The following BRINP2 variants were observed in gnomAD, a reference collection of about 807,000 sequenced individuals.
The protein encoded by BRINP2 is BMP/retinoic acid-inducible neural-specific protein 2.
A neutral mutation model predicts 69.2 loss-of-function variants in BRINP2; 21 were observed. That is an observed-to-expected ratio of 0.30 (90% CI 0.22 to 0.44). BRINP2 has a LOEUF of 0.44. BRINP2 is among the 20% of genes least tolerant of loss of function. The pLI is 1.00. For synonymous variants in BRINP2, 380 were observed against 394.1 expected (o/e 0.96, Z 0.42); for missense variants, 877 against 986.0 (o/e 0.89, Z 1.48).
intron 1 of BRINP2, among the ~76,000 whole-genome samples, chr1:177,180,630 G>C (rs1447942070): frequency 2.0e-5 from 3 of 152,090 alleles, no homozygotes; most frequent in Non-Finnish European, 4.4e-5. Flanking sequence ...ATATAAAGCA[G>C]ATAAAAGGGG....
At chr1:177,213,548 A>G (rs1649287575) in intron 1 of BRINP2, among the ~76,000 whole-genome samples, 3 of 152,240 alleles carry the variant, frequency 2.0e-5, no homozygotes, top group Admixed American at 2.0e-4. Context: ...GTTACTTTAT[A>G]CTATTTTCTA....
intron 4 of BRINP2, among the ~76,000 whole-genome samples, chr1:177,267,204 A>C (rs1651155988): frequency 6.6e-6 from 1 of 152,216 alleles, no homozygotes; most frequent in African/African-American, 2.4e-5. Flanking sequence ...TCTGGTGAAA[A>C]ATATCACAGC....
chr1:177,269,898 C>T (rs1651249323), intron 4 of BRINP2, among the ~76,000 whole-genome samples: 1 of 152,208 alleles, frequency 6.6e-6, no homozygotes, highest in Non-Finnish European at 1.5e-5. Context: ...TTAGCTCTTT[C>T]TGAAAGCTTA....
At chr1:177,219,913 G>T (rs1485208341) in intron 1 of BRINP2, among the ~76,000 whole-genome samples, 1 of 152,254 alleles carries the variant, frequency 6.6e-6, no homozygotes, top group East Asian at 1.9e-4. Context: ...TTAAGCAACA[G>T]AAGCCAGTCT....
At chr1:177,238,687 G>A (rs1025828923) in intron 2 of BRINP2, among the ~76,000 whole-genome samples, 1 of 152,080 alleles carries the variant, frequency 6.6e-6, no homozygotes. Flanking sequence ...ATTCTCCCAT[G>A]GGAAGAAAAG....
chr1:177,222,703 A>G (rs1649572982), intron 1 of BRINP2, among the ~76,000 whole-genome samples: 1 of 152,092 alleles, frequency 6.6e-6, no homozygotes, highest in Admixed American at 6.5e-5. Context: ...TCTTAAAAAA[A>G]AAAAAAGAAA....
At chr1:177,220,367 TC>T (rs1649489837) in intron 1 of BRINP2, among the ~76,000 whole-genome samples, 1 of 152,116 alleles carries the variant, frequency 6.6e-6, no homozygotes, top group Non-Finnish European at 1.5e-5. Flanking sequence ...CTTGGGTCAT[TC>T]CTTTGGTGAT....
At chr1:177,235,783 C>T (rs1650002748) in intron 2 of BRINP2, among the ~76,000 whole-genome samples, 1 of 152,170 alleles carries the variant, frequency 6.6e-6, no homozygotes, top group Non-Finnish European at 1.5e-5. Flanking sequence ...GCATTACAGC[C>T]ACTGAGGTAG....
chr1:177,171,360 C>A lies in BRINP2; in HGVS notation c.-449C>A, dbSNP rs1192410003. On this transcript the variant is annotated 5_prime_UTR_variant, in exon 1 of 8. Transcript: ENST00000361539. The stretch of plus-strand genomic sequence containing the variant: ...CCTTACCTCTCCCACCCCGCGTGCG[C>A]CCCGGCCCAGTGCCGAAGCCCCACT... 6.5e-6 allele frequency: 1 copy of A among 153,536 alleles called. No individual in the cohort carries two copies. Among genetic ancestry groups the A allele is most frequent in the Non-Finnish European group, 1.5e-5 (1 of 68,564 alleles). 9.5% of individuals were successfully genotyped at this position (153,536 alleles called of 1,614,324 possible). A position where few individuals can be genotyped will look rare whatever the true frequency, so the allele number is the denominator to read the frequency against.
intron 2 of BRINP2, among the ~76,000 whole-genome samples, chr1:177,248,954 A>G (rs1200406410): frequency 2.0e-5 from 3 of 152,084 alleles, no homozygotes; most frequent in African/African-American, 7.2e-5. Context: ...TGGCATGGCT[A>G]TGGTTCAACT....
At chr1:177,272,050 C>T (rs772854168) in intron 4 of BRINP2, among the ~76,000 whole-genome samples, 1 of 152,210 alleles carries the variant, frequency 6.6e-6, no homozygotes, top group Non-Finnish European at 1.5e-5. Context: ...GGGTGCTAGA[C>T]ACATGCACTA....
At chr1:177,183,728 C>T (rs183948380) in intron 1 of BRINP2, among the ~76,000 whole-genome samples, 4 of 152,164 alleles carry the variant, frequency 2.6e-5, no homozygotes, top group Admixed American at 2.0e-4. Context: ...AGGATACTGA[C>T]GTGGTGAACC....
chr1:177,173,386 C>G (rs1253142450), intron 1 of BRINP2, among the ~76,000 whole-genome samples: 1 of 152,232 alleles, frequency 6.6e-6, no homozygotes, highest in Non-Finnish European at 1.5e-5. Context: ...TTCTGGAGGT[C>G]AGCTGGCGCC....
intron 2 of BRINP2, among the ~76,000 whole-genome samples, chr1:177,248,435 TTGTGTGTGTGTG>T (rs138306668): frequency 2.3e-4 from 34 of 147,368 alleles, no homozygotes; most frequent in African/African-American, 7.2e-4. Context: ...GAGGTACAGT[TTGTGTGTGTGTG>T]TGTGTGTGCG....
chr1:177,194,183 T>C (rs1648672406), intron 1 of BRINP2, among the ~76,000 whole-genome samples: 1 of 152,220 alleles, frequency 6.6e-6, no homozygotes, highest in African/African-American at 2.4e-5. Flanking sequence ...TTATTCTCCA[T>C]ATAGGAGAGA....
chr1:177,179,589 A>T (rs1353641011), intron 1 of BRINP2, among the ~76,000 whole-genome samples: 1 of 151,912 alleles, frequency 6.6e-6, no homozygotes. Flanking sequence ...TCTTTCTCTC[A>T]CACACACACT....
chr1:177,267,836 A>G (rs572902529), intron 4 of BRINP2, among the ~76,000 whole-genome samples: 69 of 152,310 alleles, frequency 4.5e-4, no homozygotes, highest in African/African-American at 1.6e-3. Context: ...GCCACTGCCC[A>G]TCTCCTCAAA....
chr1:177,173,198 C>A (rs1647990922), intron 1 of BRINP2, among the ~76,000 whole-genome samples: 1 of 152,190 alleles, frequency 6.6e-6, no homozygotes, highest in Non-Finnish European at 1.5e-5. Context: ...GCACTGAGGG[C>A]ATGACCGAGA....
intron 1 of BRINP2, among the ~76,000 whole-genome samples, chr1:177,172,218 A>G (rs2102282399): frequency 6.6e-6 from 1 of 152,318 alleles, no homozygotes. Context: ...TTTCCCATGC[A>G]CATGCAGTCA....
Sources: allele counts gnomAD v4.1 joint callset (sites outside exome capture counted in the v4.1 genomes callset), GRCh38; gene constraint gnomAD v4.1.1; transcripts MANE v1.5; gene names NCBI Gene and HGNC (gene_info 2026-07-23, HGNC 2026-07-21).